The following TUSC3 variants were observed in gnomAD, a reference collection of about 807,000 sequenced individuals.
TUSC3 encodes the protein tumor suppressor candidate 3.
In TUSC3, 45 loss-of-function variants were observed where a neutral mutation model predicts 44.8. The observed-to-expected ratio is 1.00, with a 90% CI of 0.79 to 1.29. TUSC3 has a LOEUF of 1.29. Ranked by LOEUF, TUSC3 falls within the 50% of genes most tolerant of loss-of-function variation. The pLI, the probability that TUSC3 is intolerant of heterozygous loss-of-function variation, is 0.00. For synonymous variants in TUSC3, 212 were observed against 152.9 expected, an observed-to-expected ratio of 1.39 and a Z score of -2.85; for missense variants, 519 against 437.9, an observed-to-expected ratio of 1.19 and a Z score of -1.65.
At chr8:15,819,131 T>C in the TUSC3 span, among the ~76,000 whole-genome samples, 1 of 152,168 alleles carries the variant, frequency 6.6e-6, no homozygotes, top group Non-Finnish European at 1.5e-5. Context: ...ATTTTTTCAT[T>C]CTCCATCACC....
intron 2 of TUSC3, among the ~76,000 whole-genome samples, chr8:15,506,147 A>C (rs1313364525): frequency 6.6e-6 from 1 of 152,178 alleles, no homozygotes; most frequent in East Asian, 1.9e-4. Flanking sequence ...CAGAACACAC[A>C]GTATATTATC....
chr8:15,739,882 A>T lies in TUSC3; in HGVS notation c.863-3656A>T, dbSNP rs145482794. ...TTCACTCTTTAGTTTTGTGACTTTG[A>T]GCAAGTTGTTTAAACTTCTCTGGGC... On this transcript the variant is annotated intron_variant, in intron 7 of 10. Coordinates refer to ENST00000503731, the MANE Select transcript of TUSC3 (RefSeq NM_006765.4). Among the ~76,000 whole-genome samples, 752 of 151,304 alleles carry T rather than the reference A, an allele frequency of 5.0e-3. 5 individuals carry two copies. The highest frequency in any genetic ancestry group is 0.017 in the African/African-American group (716 of 41,156).
At chr8:15,827,847 G>A in the TUSC3 span, among the ~76,000 whole-genome samples, 53 of 152,244 alleles carry the variant, frequency 3.5e-4, 2 homozygotes, top group South Asian at 6.6e-3. Flanking sequence ...AATGTTGAAG[G>A]CTGTTTGGGA....
the TUSC3 span, among the ~76,000 whole-genome samples, chr8:15,842,625 G>T: frequency 6.6e-6 from 1 of 152,242 alleles, no homozygotes; most frequent in East Asian, 1.9e-4. Flanking sequence ...AGAGAAAGAA[G>T]GCTTGCAATT....
At chr8:15,787,547 A>G in the TUSC3 span, among the ~76,000 whole-genome samples, 1 of 152,218 alleles carries the variant, frequency 6.6e-6, no homozygotes, top group Non-Finnish European at 1.5e-5. Flanking sequence ...ACCTTAGAAT[A>G]ATAAGACCAG....
At chr8:15,637,701 A>G (rs1806154149) in intron 2 of TUSC3, among the ~76,000 whole-genome samples, 1 of 151,778 alleles carries the variant, frequency 6.6e-6, no homozygotes, top group Non-Finnish European at 1.5e-5. Context: ...ACCATAGTTT[A>G]TATGTGGGGT....
At chr8:15,738,827 C>CTTTTTTT (rs375655033) in intron 7 of TUSC3, among the ~76,000 whole-genome samples, 13 of 87,190 alleles carry the variant, frequency 1.5e-4, no homozygotes, top group East Asian at 7.5e-4. Context: ...ATATATCTTG[C>CTTTTTTT]TTTTTTTTTT....
intron 1 of TUSC3, among the ~76,000 whole-genome samples, chr8:15,593,824 A>G (rs1008960052): frequency 4.0e-5 from 6 of 151,580 alleles, no homozygotes; most frequent in Admixed American, 6.6e-5. Flanking sequence ...CCCTCCTTTC[A>G]TATTCTCTTC....
At chr8:15,843,336 C>A in the TUSC3 span, among the ~76,000 whole-genome samples, 5 of 152,038 alleles carry the variant, frequency 3.3e-5, no homozygotes, top group Non-Finnish European at 7.4e-5. Flanking sequence ...TGGAATATAT[C>A]TTCCCTCTTG....
At chr8:15,584,223 G>T (rs1296828230) in intron 1 of TUSC3, among the ~76,000 whole-genome samples, 9 of 152,150 alleles carry the variant, frequency 5.9e-5, no homozygotes, top group African/African-American at 2.2e-4. Flanking sequence ...ATGTGTTGGC[G>T]TGTAGTTAGT....
At chr8:15,733,507 T>C in intron 7 of TUSC3, 1 of 286,486 alleles carries the variant, frequency 3.5e-6, no homozygotes, top group Non-Finnish European at 7.0e-6. Flanking sequence ...ATGGCAGGAA[T>C]TCTCCAAGGT....
intron 2 of TUSC3, among the ~76,000 whole-genome samples, chr8:15,628,911 T>G (rs1026733992): frequency 2.0e-5 from 3 of 152,190 alleles, no homozygotes; most frequent in African/African-American, 4.8e-5. Flanking sequence ...ATGGGAAATA[T>G]GTAGCTATGG....
chr8:15,479,367 G>C (rs938677005), intron 1 of TUSC3, among the ~76,000 whole-genome samples: 3 of 152,168 alleles, frequency 2.0e-5, no homozygotes, highest in Admixed American at 1.3e-4. Flanking sequence ...CCGTGCCTAT[G>C]TTCCAAATGG....
In TUSC3 at chr8:15,765,256, G is replaced by A. The variant is rs552041140; in HGVS notation, c.*1100G>A. Reference sequence around the variant, plus strand: ...AAGCCAAAAATAAAGTTTATAACCAGGCCTTCAAACTCTCAAACATGGATT... The same window carrying A: ...AAGCCAAAAATAAAGTTTATAACCAAGCCTTCAAACTCTCAAACATGGATT... On this transcript the variant is annotated 3_prime_UTR_variant, in exon 11 of 11. Coordinates refer to ENST00000503731, the MANE Select transcript of TUSC3 (RefSeq NM_006765.4). The A allele has an allele frequency of 2.0e-5, 3 of 151,932 alleles. No individual in the cohort carries two copies. Among genetic ancestry groups the A allele is most frequent in the Admixed American group, 6.6e-5 (1 of 15,230 alleles). 9.4% of individuals were successfully genotyped at this position (151,932 alleles called of 1,614,324 possible). A position where few individuals can be genotyped will look rare whatever the true frequency, so the allele number is the denominator to read the frequency against.
chr8:15,734,720 G>A (rs942675683), intron 7 of TUSC3, among the ~76,000 whole-genome samples: 5 of 152,302 alleles, frequency 3.3e-5, no homozygotes, highest in Admixed American at 6.5e-5. Context: ...TAGAGAATTG[G>A]CACTGACTTT....
chr8:15,680,208 A>G (rs1808364346), intron 6 of TUSC3, among the ~76,000 whole-genome samples: 1 of 152,088 alleles, frequency 6.6e-6, no homozygotes, highest in African/African-American at 2.4e-5. Context: ...GAGCCTTCCA[A>G]TCCATGAGCA....
intron 1 of TUSC3, among the ~76,000 whole-genome samples, chr8:15,553,090 A>G (rs764246434): frequency 6.6e-6 from 1 of 151,798 alleles, no homozygotes; most frequent in Non-Finnish European, 1.5e-5. Context: ...AAACAGGAGA[A>G]GAAAGATTTT....
chr8:15,461,585 T>C (rs371231027), intron 1 of TUSC3, among the ~76,000 whole-genome samples: 2 of 151,998 alleles, frequency 1.3e-5, no homozygotes, highest in East Asian at 3.9e-4. Context: ...AGAGGAGTGG[T>C]GAGAGTGGGC....
chr8:15,650,202 G>A (rs1806827899), intron 2 of TUSC3, among the ~76,000 whole-genome samples: 2 of 152,292 alleles, frequency 1.3e-5, no homozygotes, highest in Admixed American at 6.5e-5. Context: ...TGGAGTATAA[G>A]TATTTAAAAT....
Sources: allele counts gnomAD v4.1 joint callset (sites outside exome capture counted in the v4.1 genomes callset), GRCh38; gene constraint gnomAD v4.1.1; transcripts MANE v1.5; gene names NCBI Gene and HGNC (gene_info 2026-07-23, HGNC 2026-07-21).